The following RIMS2 variants were observed in gnomAD, a reference collection of about 807,000 sequenced individuals.
The protein encoded by RIMS2 is regulating synaptic membrane exocytosis 2.
In RIMS2, 59 loss-of-function variants were observed where a neutral mutation model predicts 174.4. The ratio of observed to expected loss-of-function variants is 0.34; its 90% confidence interval spans 0.27 to 0.42. The LOEUF (loss-of-function observed/expected upper bound fraction) is 0.42, where lower values mean the gene tolerates loss of function less well. Among genes scored for constraint, RIMS2 ranks in the 10% least tolerant of loss-of-function variants. The probability of loss-of-function intolerance (pLI) is 1.00; values close to 1 mark genes in which losing one functional copy is unlikely to be tolerated. For synonymous variants in RIMS2, 606 were observed against 572.5 expected (o/e 1.06, Z -0.84); for missense variants, 1,620 against 1,666.3 (o/e 0.97, Z 0.48).
intron 1 of RIMS2, among the ~76,000 whole-genome samples, chr8:103,603,372 C>A (rs2094863050): frequency 6.6e-6 from 1 of 150,612 alleles, no homozygotes; most frequent in South Asian, 2.1e-4. Flanking sequence ...GTATATGTGC[C>A]ACATTTTCTT....
intron 3 of RIMS2, among the ~76,000 whole-genome samples, chr8:103,873,908 A>G (rs1184311058): frequency 1.3e-5 from 2 of 152,050 alleles, no homozygotes; most frequent in East Asian, 3.9e-4. Flanking sequence ...CACAGATTCT[A>G]TGTCAACAAA....
intron 1 of RIMS2, among the ~76,000 whole-genome samples, chr8:103,603,228 A>G (rs1588725424): frequency 6.9e-6 from 1 of 144,846 alleles, no homozygotes; most frequent in Non-Finnish European, 1.5e-5. Flanking sequence ...ATTCCCACCT[A>G]TGAGTGAGCA....
chr8:104,036,445 C>T (rs972817393), intron 19 of RIMS2, among the ~76,000 whole-genome samples: 1 of 152,010 alleles, frequency 6.6e-6, no homozygotes, highest in Non-Finnish European at 1.5e-5. Flanking sequence ...GCCACACCAC[C>T]CGGTCTGGAA....
chr8:104,127,332 A>C (rs2098439922), intron 19 of RIMS2, among the ~76,000 whole-genome samples: 1 of 152,212 alleles, frequency 6.6e-6, no homozygotes, highest in Non-Finnish European at 1.5e-5. Context: ...TAAAACTTGA[A>C]GCAAAACCAT....
intron 8 of RIMS2, among the ~76,000 whole-genome samples, chr8:103,918,128 T>A (rs188958095): frequency 3.3e-5 from 5 of 152,194 alleles, no homozygotes; most frequent in African/African-American, 9.6e-5. Context: ...GTAAAACTTA[T>A]CTTGTTGAAT....
At chr8:103,550,669 C>G (rs1305227627) in intron 1 of RIMS2, among the ~76,000 whole-genome samples, 1 of 151,832 alleles carries the variant, frequency 6.6e-6, no homozygotes, top group Non-Finnish European at 1.5e-5. Context: ...TATCTAGGAG[C>G]TGGTTTTTTG....
intron 3 of RIMS2, among the ~76,000 whole-genome samples, chr8:103,779,374 T>C (rs2098358538): frequency 6.6e-6 from 1 of 152,162 alleles, no homozygotes; most frequent in Admixed American, 6.6e-5. Flanking sequence ...ATTTCACAGT[T>C]TTGGGTCTTC....
At chr8:103,986,981 A>G (rs2094407781) in intron 16 of RIMS2, among the ~76,000 whole-genome samples, 1 of 152,126 alleles carries the variant, frequency 6.6e-6, no homozygotes, top group African/African-American at 2.4e-5. Flanking sequence ...CATAAAGAGA[A>G]TTCCAGACTA....
In RIMS2 at chr8:103,540,356, C is replaced by G. The variant is rs1358313872; in HGVS notation, c.176+39294C>G. 3.9e-5 allele frequency among the ~76,000 whole-genome samples: 6 copies of G among 152,192 alleles called. No individual in the cohort carries two copies. In the East Asian group the frequency reaches 5.8e-4, roughly 15 times the overall value. Reference sequence around the variant, plus strand: ...ACTCCAGTCCTTGCCACCATTGTGGCCATCCACAATGTTGGCCGCTGAGGA... The same window carrying G: ...ACTCCAGTCCTTGCCACCATTGTGGGCATCCACAATGTTGGCCGCTGAGGA... On this transcript the variant is annotated intron_variant, in intron 1 of 23. Coordinates refer to ENST00000504942, the Ensembl canonical transcript of RIMS2.
chr8:103,844,011 G>C (rs1024632798), intron 3 of RIMS2, among the ~76,000 whole-genome samples: 8 of 152,134 alleles, frequency 5.3e-5, no homozygotes, highest in African/African-American at 1.9e-4. Context: ...ACGAGATCTG[G>C]TGATTTTAAA....
intron 17 of RIMS2, 52 bp from the exon 20 acceptor site, chr8:104,013,390 T>C: frequency 1.4e-6 from 2 of 1,453,514 alleles, no homozygotes; most frequent in Non-Finnish European, 1.9e-6. Flanking sequence ...CATAACCAAA[T>C]AGCAGAAGGG....
intron 14 of RIMS2, 111 bp from the exon 17 acceptor site, chr8:103,960,954 T>G: frequency 2.8e-6 from 2 of 707,744 alleles, no homozygotes; most frequent in Non-Finnish European, 5.1e-6. Flanking sequence ...TACATATTTT[T>G]TGTTATTAAC....
chr8:103,799,527 C>T (rs573878404), intron 3 of RIMS2, among the ~76,000 whole-genome samples: 1 of 152,216 alleles, frequency 6.6e-6, no homozygotes, highest in South Asian at 2.1e-4. Context: ...TACTTTATTT[C>T]ACTAGTTTTG....
chr8:104,014,083 G>T (rs993067944), intron 18 of RIMS2, among the ~76,000 whole-genome samples: 1 of 152,126 alleles, frequency 6.6e-6, no homozygotes, highest in Admixed American at 6.6e-5. Flanking sequence ...TTCATGCAAT[G>T]TTTTCTAATA....
intron 1 of RIMS2, among the ~76,000 whole-genome samples, chr8:103,637,956 AT>A (rs1238633738): frequency 6.6e-6 from 1 of 152,030 alleles, no homozygotes; most frequent in Non-Finnish European, 1.5e-5. Context: ...CCTAATTTCA[AT>A]TTTTGTAGAC....
chr8:103,508,283 G>A (rs1824653833), intron 1 of RIMS2, among the ~76,000 whole-genome samples: 1 of 152,028 alleles, frequency 6.6e-6, no homozygotes, highest in Non-Finnish European at 1.5e-5. Context: ...AGACTACTGT[G>A]CACTACAGTG....
At chr8:103,515,001 A>G (rs1828334130) in intron 1 of RIMS2, among the ~76,000 whole-genome samples, 2 of 152,138 alleles carry the variant, frequency 1.3e-5, no homozygotes, top group Non-Finnish European at 2.9e-5. Flanking sequence ...CTTTTATGCT[A>G]TTAGAATTTT....
At chr8:103,627,356 T>G (rs2095811344) in intron 1 of RIMS2, among the ~76,000 whole-genome samples, 1 of 152,220 alleles carries the variant, frequency 6.6e-6, no homozygotes, top group South Asian at 2.1e-4. Flanking sequence ...CAGGGTGCAC[T>G]GATTTCATAT....
chr8:103,648,689 A>G (rs1458920789), intron 1 of RIMS2, among the ~76,000 whole-genome samples: 1 of 152,134 alleles, frequency 6.6e-6, no homozygotes, highest in African/African-American at 2.4e-5. Context: ...TTATCATTCC[A>G]TAATAACTTT....
Sources: allele counts gnomAD v4.1 joint callset (sites outside exome capture counted in the v4.1 genomes callset), GRCh38; gene constraint gnomAD v4.1.1; transcripts MANE v1.5; gene names NCBI Gene and HGNC (gene_info 2026-07-23, HGNC 2026-07-21).